ANO2: variants seen among roughly 807,000 people sequenced by gnomAD.
The protein encoded by ANO2 is anoctamin-2.
Under a neutral mutation model 124.2 loss-of-function variants are expected in ANO2, and 101 were observed. The observed-to-expected ratio is 0.81, with a 90% CI of 0.69 to 0.96. The LOEUF is 0.96. Ranked by LOEUF, ANO2 falls within the 40% of genes least tolerant of loss-of-function variation. ANO2 has a pLI of 0.00. For synonymous variants in ANO2, 486 were observed against 482.5 expected (o/e 1.01, Z -0.09); for missense variants, 1,293 against 1,274.5 (o/e 1.01, Z -0.22).
At chr12:5,820,769 T>C (rs1209737833) in intron 7 of ANO2, among the ~76,000 whole-genome samples, 1 of 152,220 alleles carries the variant, frequency 6.6e-6, no homozygotes, top group Admixed American at 6.5e-5. Flanking sequence ...AGAAGACAGA[T>C]GGATCTTGGA....
chr12:5,915,263 G>C (rs1565775597), intron 3 of ANO2, among the ~76,000 whole-genome samples: 3 of 152,128 alleles, frequency 2.0e-5, no homozygotes, highest in East Asian at 3.8e-4. Flanking sequence ...AGAAAATTTA[G>C]TATTTTATCA....
chr12:5,852,276 C>G (rs940503403), intron 4 of ANO2, among the ~76,000 whole-genome samples: 3 of 152,226 alleles, frequency 2.0e-5, no homozygotes, highest in African/African-American at 7.2e-5. Flanking sequence ...AGTGAGAGGA[C>G]TGAAACTAGG....
chr12:5,603,488 A>G (rs1477484220), intron 19 of ANO2, among the ~76,000 whole-genome samples: 10 of 151,878 alleles, frequency 6.6e-5, no homozygotes, highest in African/African-American at 2.2e-4. Context: ...CTAAATAATG[A>G]AAGATGGTAG....
In ANO2 at chr12:5,658,723, T is replaced by TATC. The variant is rs1425846390; in HGVS notation, c.1546-10925_1546-10923dup. Among the ~76,000 whole-genome samples the TATC allele has an allele frequency of 6.7e-6, 1 of 148,808 alleles. No homozygotes were observed. Among genetic ancestry groups the TATC allele is most frequent in the African/African-American group, 2.6e-5 (1 of 38,912 alleles). ...GCATCAATATTATCATTGTCATCAA[T>TATC]ATCATCATCATCATCATCAACATCA... On this transcript the variant is annotated intron_variant, in intron 14 of 24. Coordinates refer to ENST00000682330, the MANE Select transcript of ANO2 (RefSeq NM_001364791.2). This position sits in a 1 kb window ranked among gnomAD's most constrained non-coding sequence, Gnocchi z 4.3.
intron 3 of ANO2, among the ~76,000 whole-genome samples, chr12:5,888,627 A>G (rs1157608518): frequency 6.6e-6 from 1 of 152,116 alleles, no homozygotes; most frequent in African/African-American, 2.4e-5. Context: ...TGTGGACACA[A>G]AAGTTCTCCA....
chr12:5,655,989 T>C (rs943701610), intron 14 of ANO2, among the ~76,000 whole-genome samples: 5 of 152,176 alleles, frequency 3.3e-5, no homozygotes, highest in Admixed American at 2.6e-4. Flanking sequence ...CAGCAAGGCG[T>C]CCATTAGAAT....
At chr12:5,711,990 C>G (rs982015471) in intron 14 of ANO2, among the ~76,000 whole-genome samples, 3 of 152,138 alleles carry the variant, frequency 2.0e-5, no homozygotes, top group African/African-American at 4.8e-5. Context: ...TGATAAGGAC[C>G]TACTAACGGC....
chr12:5,801,353 G>A (rs540996059), intron 9 of ANO2, among the ~76,000 whole-genome samples: 10 of 152,194 alleles, frequency 6.6e-5, no homozygotes, highest in Admixed American at 2.0e-4. Context: ...AATCAATATC[G>A]GCATTTTATT....
chr12:5,566,823 T>C (rs1440028176), intron 23 of ANO2, among the ~76,000 whole-genome samples: 1 of 152,192 alleles, frequency 6.6e-6, no homozygotes, highest in East Asian at 1.9e-4. Flanking sequence ...AATGCGAGTC[T>C]GGCTGAATCT....
At chr12:5,683,648 G>A (rs988788612) in intron 14 of ANO2, among the ~76,000 whole-genome samples, 4 of 152,040 alleles carry the variant, frequency 2.6e-5, no homozygotes, top group East Asian at 1.9e-4. Context: ...TCGCCATACC[G>A]TTTACTTATT....
chr12:5,708,430 C>T (rs1322064073), intron 14 of ANO2, among the ~76,000 whole-genome samples: 1 of 152,180 alleles, frequency 6.6e-6, no homozygotes, highest in African/African-American at 2.4e-5. Flanking sequence ...TGATCTAGCT[C>T]CTCTTTGACC....
At chr12:5,576,131 A>G (rs1431547782) in intron 22 of ANO2, 116 bp from the exon 23 acceptor site, 1 of 1,072,254 alleles carries the variant, frequency 9.3e-7, no homozygotes, top group Non-Finnish European at 1.3e-6. Flanking sequence ...CTCATGCAGC[A>G]TGATCAGGTC....
At position 5,920,913 on chromosome 12, in the gene ANO2, C is replaced by T. The variant is rs1941659928; in HGVS notation, c.534+127G>A. ...AAGAAAGAAACAAAATCTGGTTTCTCCAGCAGAAAAAAAAGTCCACCTGCC... is the reference window on the plus strand; with the variant it reads ...AAGAAAGAAACAAAATCTGGTTTCTTCAGCAGAAAAAAAAGTCCACCTGCC... On this transcript the variant is annotated intron_variant, in intron 3 of 24. Coordinates refer to ENST00000682330, the MANE Select transcript of ANO2 (RefSeq NM_001364791.2). The T allele has an allele frequency of 3.5e-6, 4 of 1,144,516 alleles. No individual in the cohort carries two copies. The East Asian group carries it at 9.9e-5, about 28-fold the overall frequency. The allele number at this position is 1,144,516 out of a possible 1,614,324, so 70.9% of individuals were successfully genotyped here.
intron 3 of ANO2, among the ~76,000 whole-genome samples, chr12:5,883,870 CATTG>C (rs1445126166): frequency 2.6e-5 from 4 of 152,294 alleles, no homozygotes; most frequent in Non-Finnish European, 5.9e-5. Flanking sequence ...TAATTGCTAA[CATTG>C]ATTGATTGAG....
At chr12:5,754,045 G>C (rs182092519) in intron 10 of ANO2, among the ~76,000 whole-genome samples, 1 of 152,246 alleles carries the variant, frequency 6.6e-6, no homozygotes, top group Admixed American at 6.5e-5. Flanking sequence ...GTTGATGTTA[G>C]TTCCTTCTAT....
chr12:5,852,755 G>A (rs1475310436), intron 4 of ANO2, among the ~76,000 whole-genome samples: 3 of 152,062 alleles, frequency 2.0e-5, no homozygotes, highest in Non-Finnish European at 4.4e-5. Context: ...TCTGTTCACA[G>A]TGGGCAGCAT....
intron 19 of ANO2, among the ~76,000 whole-genome samples, chr12:5,606,212 A>T (rs1301242671): frequency 1.3e-5 from 2 of 152,172 alleles, no homozygotes; most frequent in African/African-American, 2.4e-5. Context: ...CACCTTCCAG[A>T]AGTAGAGGTG....
At chr12:5,858,782 G>A (rs963246593) in intron 3 of ANO2, 48 of 152,182 alleles carry the variant, frequency 3.2e-4, no homozygotes, top group African/African-American at 1.1e-3. Context: ...TCTTGACTGC[G>A]GGACAGTATC....
chr12:5,751,350 C>T (rs898638972), intron 10 of ANO2, among the ~76,000 whole-genome samples: 3 of 152,190 alleles, frequency 2.0e-5, no homozygotes, highest in African/African-American at 7.2e-5. Context: ...CATAAGAAAA[C>T]ACACCTTTTT....
Sources: allele counts gnomAD v4.1 joint callset (sites outside exome capture counted in the v4.1 genomes callset), GRCh38; gene constraint gnomAD v4.1.1; non-coding constraint Gnocchi (gnomAD v3.1); transcripts MANE v1.5; gene names NCBI Gene and HGNC (gene_info 2026-07-23, HGNC 2026-07-21).